The following JMY variants were observed in gnomAD, a reference collection of about 807,000 sequenced individuals.
JMY encodes junction mediating and regulatory protein, p53 cofactor.
JMY carries 46 observed loss-of-function variants against 103.3 expected under a neutral mutation model. The observed-to-expected ratio is 0.45, with a 90% CI of 0.35 to 0.57. The LOEUF is 0.57. Among genes scored for constraint, JMY ranks in the 20% least tolerant of loss-of-function variants. The pLI is 0.00. For missense variants in JMY, 1,238 were observed against 1,255.2 expected (o/e 0.99, Z 0.21); for synonymous variants, 526 against 489.3 (o/e 1.07, Z -0.99).
At chr5:79,307,100 C>G (rs1342699734) in intron 7 of JMY, among the ~76,000 whole-genome samples, 1 of 152,158 alleles carries the variant, frequency 6.6e-6, no homozygotes, top group African/African-American at 2.4e-5. Context: ...ATTTTAACAC[C>G]AAATAATGTT....
chr5:79,289,169 A>T (rs1580357211), intron 2 of JMY, among the ~76,000 whole-genome samples: 1 of 148,680 alleles, frequency 6.7e-6, no homozygotes, highest in Non-Finnish European at 1.5e-5. Context: ...TGGGAGGCGG[A>T]GGTTGCAGCA....
At chr5:79,248,126 C>A (rs567580549) in intron 1 of JMY, among the ~76,000 whole-genome samples, 2 of 151,888 alleles carry the variant, frequency 1.3e-5, no homozygotes, top group East Asian at 3.9e-4. Context: ...CTCCTGACCT[C>A]ATGATCCGCC....
chr5:79,245,253 A>G (rs1744854096), intron 1 of JMY, among the ~76,000 whole-genome samples: 1 of 152,120 alleles, frequency 6.6e-6, no homozygotes, highest in Non-Finnish European at 1.5e-5. Context: ...GTCTTAGTTT[A>G]TTCAACAAAT....
At chr5:79,268,146 G>A (rs1199982894) in intron 1 of JMY, among the ~76,000 whole-genome samples, 1 of 152,148 alleles carries the variant, frequency 6.6e-6, no homozygotes, top group South Asian at 2.1e-4. Flanking sequence ...AGGAGGCTAC[G>A]GTGGGAAAAT....
At chr5:79,258,305 G>GTTTTTTTTTTTTTTTTTTTTTTTTTT (rs199879072) in intron 1 of JMY, among the ~76,000 whole-genome samples, 1 of 117,026 alleles carries the variant, frequency 8.5e-6, no homozygotes, top group African/African-American at 3.0e-5. Flanking sequence ...GGCTTTTTTT[G>GTTTTTTTTTTTTTTTTTTTTTTTTTT]TTTTTGTTGT....
intron 7 of JMY, among the ~76,000 whole-genome samples, chr5:79,310,004 A>G (rs1024461658): frequency 5.2e-5 from 7 of 134,300 alleles, no homozygotes; most frequent in African/African-American, 2.1e-4. Flanking sequence ...TCCCAGATCT[A>G]TTTTTTGGGG....
chr5:79,310,322 A>G (rs1314020728), intron 7 of JMY, among the ~76,000 whole-genome samples: 1 of 151,940 alleles, frequency 6.6e-6, no homozygotes, highest in Non-Finnish European at 1.5e-5. Context: ...CGCCTTCCCA[A>G]AGTGCTGGGA....
chr5:79,319,772 G>T (rs1747389623), intron 10 of JMY, among the ~76,000 whole-genome samples: 2 of 151,978 alleles, frequency 1.3e-5, no homozygotes, highest in Non-Finnish European at 2.9e-5. Context: ...TAGAGATGGG[G>T]TTTCACCATG....
intron 4 of JMY, among the ~76,000 whole-genome samples, chr5:79,294,271 G>C (rs1746506033): frequency 6.6e-6 from 1 of 152,010 alleles, no homozygotes; most frequent in African/African-American, 2.4e-5. Flanking sequence ...CAGGTGGGTG[G>C]CGTGCTCCTG....
intron 1 of JMY, among the ~76,000 whole-genome samples, chr5:79,248,007 C>G (rs1005984994): frequency 6.6e-6 from 1 of 151,612 alleles, no homozygotes; most frequent in African/African-American, 2.4e-5. Context: ...TTTCTTCTGC[C>G]TCTGCCTCCT....
At position 79,237,374 on chromosome 5, in the gene JMY, C is replaced by T; in HGVS notation, c.724C>T (p.His242Tyr). 6.2e-7 allele frequency: 1 copy of T among 1,613,170 alleles called. No homozygotes were observed. The highest frequency in any genetic ancestry group is 8.5e-7 in the Non-Finnish European group (1 of 1,179,854). ...TTCTTTCCAGGACCTGCGCGCCGTG[C>T]ACCAGCAGCTGTGCTCGGTGAACTC... is the stretch of plus-strand genomic sequence containing the variant. ...LFSFQDLRAV[H>Y]QQLCSVNSQL... The change falls in exon 1 of 11, where the codon CAC becomes TAC. Residue 242 changes from histidine to tyrosine, a missense_variant. His to Tyr is a moderately conservative substitution (Grantham distance 83). Transcript: ENST00000396137.
rs892845539 is a variant in JMY, at chr5:79,236,167, G to A, written c.-484G>A. 9 of 152,108 alleles carry A rather than the reference G, an allele frequency of 5.9e-5. No individual in the cohort carries two copies. The East Asian group carries it at 1.7e-3, about 29-fold the overall frequency. The allele number at this position is 152,108 out of a possible 1,614,324, so 9.4% of individuals were successfully genotyped here. A position where few individuals can be genotyped will look rare whatever the true frequency, so the allele number is the denominator to read the frequency against. On this transcript the variant is annotated 5_prime_UTR_variant, in exon 1 of 11. Coordinates refer to ENST00000396137, the MANE Select transcript of JMY (RefSeq NM_152405.5). Reference sequence around the variant, plus strand: ...AACATTGTGGCGATGCTGAGGCGCAGAGTTTAGGAGACGGGTTCATCAGTC... The same window carrying A: ...AACATTGTGGCGATGCTGAGGCGCAAAGTTTAGGAGACGGGTTCATCAGTC...
chr5:79,300,411 T>A, intron 5 of JMY, 93 bp downstream of exon 5: 1 of 1,295,430 alleles, frequency 7.7e-7, no homozygotes, highest in Non-Finnish European at 1.0e-6. Flanking sequence ...TTAAGACATT[T>A]AAAAAATTGT....
At chr5:79,310,057 C>CTTTTTTTTTTTTT (rs55994052) in intron 7 of JMY, among the ~76,000 whole-genome samples, 4 of 73,666 alleles carry the variant, frequency 5.4e-5, no homozygotes, top group African/African-American at 1.3e-4. Flanking sequence ...CTTTCTTTTC[C>CTTTTTTTTTTTTT]TTTTTTTTTT....
intron 7 of JMY, among the ~76,000 whole-genome samples, chr5:79,311,597 C>T (rs1326276891): frequency 2.0e-5 from 3 of 151,966 alleles, no homozygotes; most frequent in African/African-American, 7.3e-5. Context: ...AACCCATTTA[C>T]CTATATAGAA....
At chr5:79,304,522 G>A (rs1329270118) in intron 6 of JMY, among the ~76,000 whole-genome samples, 1 of 152,104 alleles carries the variant, frequency 6.6e-6, no homozygotes, top group Non-Finnish European at 1.5e-5. Flanking sequence ...TTCAAGAAGA[G>A]TAACAAAAAT....
intron 7 of JMY, among the ~76,000 whole-genome samples, chr5:79,312,195 CTG>C (rs150478949): frequency 1.9e-3 from 288 of 152,214 alleles, no homozygotes; most frequent in African/African-American, 5.9e-3. Context: ...TACACTAAAA[CTG>C]TGTATTAAAA....
chr5:79,307,750 CTT>C (rs1746931333), intron 7 of JMY, among the ~76,000 whole-genome samples: 1 of 152,108 alleles, frequency 6.6e-6, no homozygotes, highest in South Asian at 2.1e-4. Flanking sequence ...ATCTTTTGCT[CTT>C]TTGTTTTTTG....
intron 1 of JMY, among the ~76,000 whole-genome samples, chr5:79,240,108 C>T (rs1306165657): frequency 6.6e-6 from 1 of 151,810 alleles, no homozygotes; most frequent in African/African-American, 2.4e-5. Context: ...CTCTGCCTCC[C>T]GGGTTCCAGT....
Sources: allele counts gnomAD v4.1 joint callset (sites outside exome capture counted in the v4.1 genomes callset), GRCh38; gene constraint gnomAD v4.1.1; transcripts MANE v1.5; gene names NCBI Gene and HGNC (gene_info 2026-07-23, HGNC 2026-07-21).